The following BBS9 variants were observed in gnomAD, a reference collection of about 807,000 sequenced individuals.
BBS9 encodes the protein Bardet-Biedl syndrome 9.
In BBS9, 89 loss-of-function variants were observed where a neutral mutation model predicts 117.7. That is an observed-to-expected ratio of 0.76 (90% CI 0.64 to 0.90). The LOEUF is 0.90. Among genes scored for constraint, BBS9 ranks in the 40% least tolerant of loss-of-function variants. The pLI is 0.00. For missense variants in BBS9, 982 were observed against 1,042.2 expected (o/e 0.94, Z 0.80); for synonymous variants, 379 against 370.9 (o/e 1.02, Z -0.25).
In BBS9 at chr7:33,252,893, T is replaced by C. The variant is rs113760504; in HGVS notation, c.443-4343T>C. Among the ~76,000 whole-genome samples, 5 of 152,232 alleles carry C rather than the reference T, an allele frequency of 3.3e-5. 1 individual carries two copies. Among genetic ancestry groups the C allele is most frequent in the African/African-American group, 1.2e-4 (5 of 41,550 alleles). On this transcript the variant is annotated intron_variant, in intron 5 of 22. Coordinates refer to ENST00000242067, the MANE Select transcript of BBS9 (RefSeq NM_198428.3). ...TATATTTTTGTTGTGAAAAAGTATA[T>C]AGAAAAAGTAAAATGAAAACCCATA...
At chr7:33,295,555 A>T (rs1805085187) in intron 9 of BBS9, among the ~76,000 whole-genome samples, 1 of 152,020 alleles carries the variant, frequency 6.6e-6, no homozygotes, top group Non-Finnish European at 1.5e-5. Flanking sequence ...AGTTAAAAAA[A>T]ATAGTCTATT....
chr7:33,603,702 G>A (rs184796439), intron 21 of BBS9, among the ~76,000 whole-genome samples: 2 of 152,202 alleles, frequency 1.3e-5, no homozygotes, highest in Admixed American at 6.5e-5. Context: ...TCATTTTCGG[G>A]TATGGCTGGG....
chr7:33,453,920 A>T lies in BBS9; in HGVS notation c.2116-51543A>T, dbSNP rs997133860. Among the ~76,000 whole-genome samples, 15 of 152,358 alleles carry T rather than the reference A, an allele frequency of 9.8e-5. 1 individual carries two copies. Among genetic ancestry groups the T allele is most frequent in the Admixed American group, 9.8e-4 (15 of 15,306 alleles). ...CTGTTTATGTTATTGGGAAGTCTTCAGGTCAAGAGTAAGCAATTAGTAGTT... is the reference window on the plus strand; with the variant it reads ...CTGTTTATGTTATTGGGAAGTCTTCTGGTCAAGAGTAAGCAATTAGTAGTT... On this transcript the variant is annotated intron_variant, in intron 19 of 22. Transcript: ENST00000242067.
chr7:33,205,183 C>A (rs1176911384), intron 5 of BBS9, among the ~76,000 whole-genome samples: 1 of 152,186 alleles, frequency 6.6e-6, no homozygotes, highest in African/African-American at 2.4e-5. Flanking sequence ...GTGGTGGAGT[C>A]TCGACCAGAG....
At chr7:33,546,241 A>AT (rs1182673578) in intron 21 of BBS9, among the ~76,000 whole-genome samples, 3 of 152,132 alleles carry the variant, frequency 2.0e-5, no homozygotes, top group Non-Finnish European at 4.4e-5. Context: ...CCTATAATCC[A>AT]TTTTTTAAAC....
rs144754275 is a variant in BBS9, at chr7:33,539,131, G to T, written c.2521+4955G>T. 2.1e-3 allele frequency among the ~76,000 whole-genome samples: 326 copies of T among 152,300 alleles called. 1 individual carries two copies. The highest frequency in any genetic ancestry group is 7.4e-3 in the African/African-American group (309 of 41,574). ...AAAGGATTCTAGAGTTCAATTAGAAGAATAAAATTATAAGATTATACAGGT... is the reference window on the plus strand; with the variant it reads ...AAAGGATTCTAGAGTTCAATTAGAATAATAAAATTATAAGATTATACAGGT... On this transcript the variant is annotated intron_variant, in intron 21 of 22. Transcript: ENST00000242067.
intron 19 of BBS9, among the ~76,000 whole-genome samples, chr7:33,413,440 T>C (rs972767117): frequency 1.3e-5 from 2 of 152,184 alleles, no homozygotes; most frequent in African/African-American, 4.8e-5. Context: ...TTAATATAAA[T>C]TAGCTGATTA....
At chr7:33,330,619 T>C (rs1274298261) in intron 9 of BBS9, among the ~76,000 whole-genome samples, 1 of 152,250 alleles carries the variant, frequency 6.6e-6, no homozygotes, top group Non-Finnish European at 1.5e-5. Flanking sequence ...ATCTGGAATT[T>C]TGTTTTAATG....
In BBS9 at chr7:33,367,818, T is replaced by G; in HGVS notation, c.1745T>G (p.Phe582Cys). Residue 582 changes from phenylalanine (F) to cysteine (C), a missense_variant, in exon 17 of 23, where the codon TTC becomes TGC. Transcript: ENST00000242067. The part of the protein sequence containing the change: ...DDQVNVMGFH[F>C]LGGARITVLA... ...CAGGTGAATGTAATGGGTTTTCACT[T>G]CTTAGGAGGTGCTCGAATTACTGTT... 3 of 1,613,892 alleles carry G rather than the reference T, an allele frequency of 1.9e-6. No individual in the cohort carries two copies. The highest frequency in any genetic ancestry group is 2.5e-6 in the Non-Finnish European group (3 of 1,179,850).
In BBS9 at chr7:33,360,547, G is replaced by T. The variant is rs184441208; in HGVS notation, c.1693+2552G>T. 1.9e-3 allele frequency among the ~76,000 whole-genome samples: 289 copies of T among 149,848 alleles called. 3 individuals carry two copies. The highest frequency in any genetic ancestry group is 6.2e-3 in the African/African-American group (254 of 40,730). ...ACCTTTTTTTTTTTTTTGAGACAGGGTCTCATTCTGTCACTGAGGTTGGAG... is the reference window on the plus strand; with the variant it reads ...ACCTTTTTTTTTTTTTTGAGACAGGTTCTCATTCTGTCACTGAGGTTGGAG... On this transcript the variant is annotated intron_variant, in intron 16 of 22. Coordinates refer to ENST00000242067, the MANE Select transcript of BBS9 (RefSeq NM_198428.3).
At position 33,352,775 on chromosome 7, in the gene BBS9, T is replaced by A; in HGVS notation, c.1538-84T>A. On this transcript the variant is annotated intron_variant, in intron 14 of 22. Coordinates refer to ENST00000242067, the MANE Select transcript of BBS9 (RefSeq NM_198428.3). Reference sequence around the variant, plus strand: ...AATTTGTATTTTAAGCAGATATGTGTCAAATTTGTGTTGTAACTTTACCAC... The same window carrying A: ...AATTTGTATTTTAAGCAGATATGTGACAAATTTGTGTTGTAACTTTACCAC... The A allele has an allele frequency of 9.5e-6, 14 of 1,472,274 alleles. No homozygotes were observed. In the South Asian group the frequency reaches 1.6e-4, roughly 17 times the overall value. The allele number at this position is 1,472,274 out of a possible 1,614,324, so 91.2% of individuals were successfully genotyped here.
At chr7:33,620,742 C>G (rs1253540292) in intron 21 of BBS9, among the ~76,000 whole-genome samples, 1 of 152,064 alleles carries the variant, frequency 6.6e-6, no homozygotes, top group Non-Finnish European at 1.5e-5. Flanking sequence ...AATCAATTCT[C>G]AAATTTGTAT....
intron 6 of BBS9, among the ~76,000 whole-genome samples, chr7:33,263,124 A>G (rs1271529265): frequency 1.3e-5 from 2 of 152,096 alleles, no homozygotes; most frequent in African/African-American, 4.8e-5. Context: ...TATTTTTTAT[A>G]AGCTATTGTT....
chr7:33,466,337 C>T (rs1168474484), intron 19 of BBS9, among the ~76,000 whole-genome samples: 1 of 152,086 alleles, frequency 6.6e-6, no homozygotes, highest in Admixed American at 6.6e-5. Flanking sequence ...CAGCCCTTGA[C>T]AACCACCATT....
chr7:33,351,780 C>G (rs1818697427), intron 14 of BBS9: 1 of 258,402 alleles, frequency 3.9e-6, no homozygotes, highest in Non-Finnish European at 7.6e-6. Flanking sequence ...AGGGCTCCCA[C>G]ACCTGAGCTG....
chr7:33,565,242 T>C (rs1475068742), intron 21 of BBS9, among the ~76,000 whole-genome samples: 2 of 152,184 alleles, frequency 1.3e-5, no homozygotes, highest in Admixed American at 1.3e-4. Flanking sequence ...ACTATCTCTT[T>C]TTTACTGACT....
intron 18 of BBS9, among the ~76,000 whole-genome samples, chr7:33,384,414 T>G (rs1348912857): frequency 6.6e-6 from 1 of 152,206 alleles, no homozygotes; most frequent in East Asian, 1.9e-4. Context: ...TCAGAGCCTA[T>G]GTTAGATTCT....
intron 9 of BBS9, among the ~76,000 whole-genome samples, chr7:33,295,468 TTC>T (rs139597320): frequency 0.038 from 5,761 of 152,098 alleles, 196 homozygotes; most frequent in African/African-American, 0.089. Context: ...AATTTTGAAC[TTC>T]TTTTTCACTC....
At chr7:33,149,659 A>G (rs1490066310) in intron 2 of BBS9, among the ~76,000 whole-genome samples, 1 of 150,046 alleles carries the variant, frequency 6.7e-6, no homozygotes, top group Non-Finnish European at 1.5e-5. Flanking sequence ...AGTAGAGAGC[A>G]AATAAGACTG....
Sources: allele counts gnomAD v4.1 joint callset (sites outside exome capture counted in the v4.1 genomes callset), GRCh38; gene constraint gnomAD v4.1.1; transcripts MANE v1.5; gene names NCBI Gene and HGNC (gene_info 2026-07-23, HGNC 2026-07-21).